Variants in KIFC3 observed in about 807,000 individuals in gnomAD.
The protein encoded by KIFC3 is kinesin family member C3, also known as kinesin-like protein KIFC3.
KIFC3 carries 60 observed loss-of-function variants against 101.8 expected under a neutral mutation model. The observed-to-expected ratio is 0.59, with a 90% CI of 0.48 to 0.73. The LOEUF (loss-of-function observed/expected upper bound fraction) is 0.73. Ranked by LOEUF, KIFC3 falls within the 30% of genes least tolerant of loss-of-function variation. The pLI, the probability that KIFC3 is intolerant of heterozygous loss-of-function variation, is 0.00. For synonymous variants in KIFC3, 476 were observed against 482.7 expected, an observed-to-expected ratio of 0.99 and a Z score of 0.18; for missense variants, 966 against 1,137.1, an observed-to-expected ratio of 0.85 and a Z score of 2.16.
intron 1 of KIFC3, among the ~76,000 whole-genome samples, chr16:57,836,734 C>T (rs1160353653): frequency 4.0e-5 from 6 of 151,862 alleles, no homozygotes; most frequent in Non-Finnish European, 8.8e-5. Context: ...CTCTGTTGCG[C>T]AGGCTGGTGT....
chr16:57,775,742 A>G, intron 3 of KIFC3: 1 of 985,660 alleles, frequency 1.0e-6, no homozygotes, highest in Non-Finnish European at 1.2e-6. Context: ...CAGCAGGCAC[A>G]TGCCTGAGCC....
intron 1 of KIFC3, among the ~76,000 whole-genome samples, chr16:57,819,954 C>T (rs955072893): frequency 2.6e-5 from 4 of 152,190 alleles, no homozygotes; most frequent in South Asian, 2.1e-4. Flanking sequence ...CTCCAACCTC[C>T]GCCTCCTGGG....
At chr16:57,781,732 A>C (rs2052759675) in intron 3 of KIFC3, 1 of 162,334 alleles carries the variant, frequency 6.2e-6, no homozygotes. Context: ...ATTTCATAAG[A>C]CCATTTTTCA....
upstream of KIFC3, among the ~76,000 whole-genome samples, chr16:57,807,117 T>G (rs781887302): frequency 8.6e-5 from 13 of 151,896 alleles, no homozygotes; most frequent in South Asian, 2.1e-4. Flanking sequence ...CTTAGGAGGC[T>G]GAGGCAGGAG....
intron 2 of KIFC3, among the ~76,000 whole-genome samples, chr16:57,795,921 CCTCT>C (rs2054285059): frequency 1.8e-5 from 2 of 113,204 alleles, no homozygotes; most frequent in African/African-American, 6.7e-5. Context: ...TGAGACAGGG[CCTCT>C]CTCTGTTGCC....
chr16:57,795,295 G>A (rs1438623869), intron 2 of KIFC3, among the ~76,000 whole-genome samples, 154 bp from the exon 3 acceptor site: 4 of 152,174 alleles, frequency 2.6e-5, no homozygotes, highest in African/African-American at 7.2e-5. Flanking sequence ...CCCAAAAAAC[G>A]CCTGCCCTGC....
chr16:57,772,388 G>T, intron 3 of KIFC3, 100 bp from the exon 4 acceptor site: 1 of 1,017,110 alleles, frequency 9.8e-7, no homozygotes, highest in Non-Finnish European at 1.5e-6. Flanking sequence ...TGTGGCTGTG[G>T]CTTCTTCTAA....
chr16:57,837,254 GC>G (rs1444185546), intron 1 of KIFC3, among the ~76,000 whole-genome samples: 1 of 152,034 alleles, frequency 6.6e-6, no homozygotes, highest in African/African-American at 2.4e-5. Flanking sequence ...GATTGCTTGA[GC>G]CTAGGAGTTT....
At chr16:57,768,017 T>C (rs1383275420) in intron 9 of KIFC3, among the ~76,000 whole-genome samples, 1 of 151,946 alleles carries the variant, frequency 6.6e-6, no homozygotes, top group Admixed American at 6.6e-5. Context: ...ACTTATAATA[T>C]CTAATACAAT....
intron 1 of KIFC3, among the ~76,000 whole-genome samples, chr16:57,847,155 G>T (rs1252957588): frequency 6.7e-6 from 1 of 150,008 alleles, no homozygotes; most frequent in African/African-American, 2.5e-5. Context: ...CTGCATTCCA[G>T]CCTGAGGTGA....
At chr16:57,790,380 C>T (rs1555619833) in intron 3 of KIFC3, among the ~76,000 whole-genome samples, 5 of 129,228 alleles carry the variant, frequency 3.9e-5, no homozygotes, top group Admixed American at 1.6e-4. Context: ...CCATGCCCAG[C>T]TTTTTTTTTT....
In KIFC3 at chr16:57,761,152, G is replaced by C; in HGVS notation, c.1892C>G (p.Thr631Ser). The change falls in exon 15 of 20, where the codon ACT (threonine) becomes AGT (serine). Residue 631 changes from threonine to serine, a missense_variant. Thr to Ser is a moderately conservative substitution (Grantham distance 58). Around this residue, in one of 2 missense-constraint regions of KIFC3, gnomAD observed 689 missense variants for 884.6 expected, o/e 0.78. Coordinates refer to ENST00000445690, the MANE Select transcript of KIFC3 (RefSeq NM_001130100.2). ...GTTGGTGAACTCGGTCGTGCGATTA[G>C]TGTGGCCAAACTCAAACACCTGGGG... ...DINKVFEFGH[T>S]NRTTEFTNLN... The C allele has an allele frequency of 6.2e-7, 1 of 1,613,964 alleles. No homozygotes were observed. Among genetic ancestry groups the C allele is most frequent in the South Asian group, 1.1e-5 (1 of 91,086 alleles).
chr16:57,807,935 A>AAAAAAC (rs2054974345), upstream of KIFC3: 1 of 21,186 alleles, frequency 4.7e-5, no homozygotes, highest in African/African-American at 7.9e-5. Flanking sequence ...GTCTTAAAAA[A>AAAAAAC]AAAAAAAAAA....
Position 57,769,454 on chromosome 16 carries a change from A to T in KIFC3, c.1218+141T>A. The T allele has an allele frequency of 9.9e-7, 1 of 1,006,628 alleles. No individual in the cohort carries two copies. Among genetic ancestry groups the T allele is most frequent in the Non-Finnish European group, 1.4e-6 (1 of 699,632 alleles). The allele number at this position is 1,006,628 out of a possible 1,614,324, so 62.4% of individuals were successfully genotyped here. On this transcript the variant is annotated intron_variant, in intron 9 of 19. Coordinates refer to ENST00000445690, the MANE Select transcript of KIFC3 (RefSeq NM_001130100.2). The surrounding 1 kb of genome is among the most constrained non-coding windows in gnomAD (Gnocchi z 4.3). Reference sequence around the variant, plus strand: ...TTCAAACAGGGCCTATAAGGGCAGCAGTAAGTGTCATGGGGGGTGGGGCAG... The same window carrying T: ...TTCAAACAGGGCCTATAAGGGCAGCTGTAAGTGTCATGGGGGGTGGGGCAG...
chr16:57,810,165 G>C (rs2055035596), intron 1 of KIFC3, among the ~76,000 whole-genome samples: 1 of 152,092 alleles, frequency 6.6e-6, no homozygotes, highest in African/African-American at 2.4e-5. Flanking sequence ...GGGGCTCCTT[G>C]CAGTAAGTCA....
intron 1 of KIFC3, among the ~76,000 whole-genome samples, chr16:57,840,716 C>T (rs1461746123): frequency 6.6e-6 from 1 of 150,612 alleles, no homozygotes; most frequent in African/African-American, 2.5e-5. Flanking sequence ...GCCGAGATCT[C>T]GCCACCGCAC....
intron 1 of KIFC3, among the ~76,000 whole-genome samples, chr16:57,817,324 A>G (rs949171223): frequency 6.6e-6 from 1 of 151,678 alleles, no homozygotes; most frequent in African/African-American, 2.4e-5. Context: ...GCACCATTGC[A>G]CTCCAGCCTG....
chr16:57,764,261 GGGAGGGAGGCT>G lies in KIFC3; in HGVS notation c.1513-25_1513-15del. ...CTCCTGGAACACCTGGGAGGGTGGT[GGGAGGGAGGCT>G]GGTGGGGGGGCTTCCAGGGCCGCTG... On this transcript the variant is annotated splice_polypyrimidine_tract_variant and intron_variant, in intron 11 of 19. Transcript: ENST00000445690. 1.3e-6 allele frequency: 2 copies of G among 1,525,044 alleles called. No individual in the cohort carries two copies. The highest frequency in any genetic ancestry group is 1.8e-6 in the Non-Finnish European group (2 of 1,112,814). 94.5% of individuals were successfully genotyped at this position (1,525,044 alleles called of 1,614,324 possible).
intron 12 of KIFC3, among the ~76,000 whole-genome samples, chr16:57,762,974 C>T (rs2050040770): frequency 6.6e-6 from 1 of 152,194 alleles, no homozygotes; most frequent in Non-Finnish European, 1.5e-5. Context: ...CTCAGGGAGG[C>T]TGCTCCCAAG....
Sources: gnomAD v4.1 joint callset for allele counts (sites outside exome capture counted in the v4.1 genomes callset) on GRCh38, gnomAD v4.1.1 for gene constraint, gnomAD v4.1.1 regional missense constraint, Gnocchi (gnomAD v3.1) non-coding constraint, MANE v1.5 for transcripts, NCBI Gene and HGNC (gene_info 2026-07-23, HGNC 2026-07-21) for gene names.